The following EYS variants were observed in gnomAD, a reference collection of about 807,000 sequenced individuals.
EYS encodes protein eyes shut homolog.
A neutral mutation model predicts 282.1 loss-of-function variants in EYS; 250 were observed. The ratio of observed to expected loss-of-function variants is 0.89; its 90% CI spans 0.80 to 0.98. The LOEUF (loss-of-function observed/expected upper bound fraction) is 0.98, where lower values mean the gene tolerates loss of function less well. EYS is among the 50% of genes least tolerant of loss of function. The pLI is 0.00. For missense variants in EYS, 4,016 were observed against 3,709.0 expected, an observed-to-expected ratio of 1.08 and a Z score of -2.15; for synonymous variants, 1,355 against 1,282.9, an observed-to-expected ratio of 1.06 and a Z score of -1.20.
At chr6:65,695,850 A>G (rs1769432722) in intron 1 of EYS, among the ~76,000 whole-genome samples, 1 of 151,990 alleles carries the variant, frequency 6.6e-6, no homozygotes, top group African/African-American at 2.4e-5. Context: ...GCTATTCTAT[A>G]TCCTGTGAAT....
In EYS at chr6:63,787,706, C is replaced by G. The variant is rs190119412; in HGVS notation, c.7723+399G>C. On this transcript the variant is annotated intron_variant, in intron 39 of 42. Coordinates refer to ENST00000503581, the MANE Select transcript of EYS (RefSeq NM_001142800.2). ...CCTGTAATCCCAGCACTTTGGGAGG[C>G]CAAGGCAGGCGGATCACCTGAGGTC... Among the ~76,000 whole-genome samples the G allele has an allele frequency of 2.7e-3, 413 of 152,234 alleles. 4 individuals are homozygous for G. The highest frequency in any genetic ancestry group is 8.8e-3 in the African/African-American group (367 of 41,534).
intron 13 of EYS, among the ~76,000 whole-genome samples, chr6:65,014,085 A>T (rs1271175460): frequency 6.6e-6 from 1 of 152,172 alleles, no homozygotes. Flanking sequence ...AAGCAAATGA[A>T]AGCTGTGTTT....
At chr6:65,287,495 T>A (rs1768398762) in intron 12 of EYS, among the ~76,000 whole-genome samples, 1 of 151,512 alleles carries the variant, frequency 6.6e-6, no homozygotes, top group Admixed American at 6.6e-5. Context: ...GATCACTAAT[T>A]AAATTCCTGC....
chr6:65,061,789 C>T (rs75961633), intron 12 of EYS, among the ~76,000 whole-genome samples: 1 of 151,840 alleles, frequency 6.6e-6, no homozygotes, highest in Non-Finnish European at 1.5e-5. Context: ...ACACTGTGAT[C>T]GTTTTCTCCT....
intron 26 of EYS, among the ~76,000 whole-genome samples, chr6:64,490,223 T>C (rs1776697533): frequency 6.6e-6 from 1 of 150,772 alleles, no homozygotes; most frequent in Non-Finnish European, 1.5e-5. Context: ...AATAACAATA[T>C]AATACACTAA....
Position 65,235,845 on chromosome 6 carries a change from G to T in EYS, c.2023+60018C>A, listed in dbSNP as rs1766909419. ...TGTTAGTTTGGATTATATCAGCATT[G>T]CTTACATATGATTAATGACTCTTTA... On this transcript the variant is annotated intron_variant, in intron 12 of 42. Coordinates refer to ENST00000503581, the MANE Select transcript of EYS (RefSeq NM_001142800.2). 2.0e-5 allele frequency among the ~76,000 whole-genome samples: 3 copies of T among 151,404 alleles called. 1 individual carries two copies. Among genetic ancestry groups the T allele is most frequent in the South Asian group, 4.1e-4 (2 of 4,820 alleles).
chr6:65,614,713 T>C (rs1766123529), intron 2 of EYS, among the ~76,000 whole-genome samples: 1 of 151,164 alleles, frequency 6.6e-6, no homozygotes, highest in African/African-American at 2.5e-5. Flanking sequence ...AGCAAATAAA[T>C]GACAGTATTT....
At chr6:63,936,126 G>T (rs528983933) in intron 35 of EYS, among the ~76,000 whole-genome samples, 1 of 152,224 alleles carries the variant, frequency 6.6e-6, no homozygotes, top group South Asian at 2.1e-4. Flanking sequence ...GCCTGCTCAG[G>T]AATCTGCTTA....
intron 22 of EYS, among the ~76,000 whole-genome samples, chr6:64,810,887 T>G (rs1293318173): frequency 1.3e-5 from 2 of 152,030 alleles, no homozygotes; most frequent in Non-Finnish European, 2.9e-5. Context: ...AAAAATAGTA[T>G]AAAGATAATA....
chr6:64,912,235 A>G (rs1024740539), intron 16 of EYS, among the ~76,000 whole-genome samples: 1 of 152,054 alleles, frequency 6.6e-6, no homozygotes, highest in African/African-American at 2.4e-5. Context: ...GAAAGAAAAA[A>G]AAAGGGCCAA....
intron 12 of EYS, among the ~76,000 whole-genome samples, chr6:65,138,594 C>T (rs1581945195): frequency 6.6e-6 from 1 of 151,956 alleles, no homozygotes; most frequent in East Asian, 1.9e-4. Context: ...TCCTAGGATC[C>T]GAGAAATAAC....
intron 5 of EYS, among the ~76,000 whole-genome samples, chr6:65,448,732 T>C (rs1048442953): frequency 6.6e-6 from 1 of 152,084 alleles, no homozygotes; most frequent in Non-Finnish European, 1.5e-5. Context: ...AATAATTTTT[T>C]TCTATCTTTT....
At chr6:64,186,248 T>TACACACAC (rs34727951) in intron 31 of EYS, among the ~76,000 whole-genome samples, 598 of 147,072 alleles carry the variant, frequency 4.1e-3, no homozygotes, top group Admixed American at 7.2e-3. Flanking sequence ...ATGTGTGTTT[T>TACACACAC]ACACACACAC....
intron 30 of EYS, among the ~76,000 whole-genome samples, chr6:64,232,381 C>CTGTTAT (rs948885103): frequency 1.3e-5 from 2 of 151,620 alleles, no homozygotes; most frequent in African/African-American, 4.8e-5. Flanking sequence ...ACACTACTTT[C>CTGTTAT]TGTTATTGTT....
chr6:65,690,953 G>A (rs1046906631), intron 1 of EYS, among the ~76,000 whole-genome samples: 1 of 150,358 alleles, frequency 6.7e-6, no homozygotes, highest in Non-Finnish European at 1.5e-5. Flanking sequence ...TGGTGTATAT[G>A]TGCCACATTT....
chr6:64,945,256 T>C (rs1281812402), intron 15 of EYS, among the ~76,000 whole-genome samples: 1 of 151,572 alleles, frequency 6.6e-6, no homozygotes, highest in Non-Finnish European at 1.5e-5. Flanking sequence ...GTGGGCATAA[T>C]ACATAAACAC....
At chr6:64,842,783 G>A (rs1583214511) in intron 19 of EYS, among the ~76,000 whole-genome samples, 1 of 152,038 alleles carries the variant, frequency 6.6e-6, no homozygotes, top group African/African-American at 2.4e-5. Flanking sequence ...ATTCTAAGCA[G>A]CAAAGCGTTC....
intron 28 of EYS, among the ~76,000 whole-genome samples, chr6:64,410,490 C>G (rs528074113): frequency 6.6e-6 from 1 of 152,104 alleles, no homozygotes; most frequent in East Asian, 1.9e-4. Flanking sequence ...GAAAAGATGG[C>G]TAATAATCAC....
chr6:65,139,161 G>T (rs1764251772), intron 12 of EYS, among the ~76,000 whole-genome samples: 1 of 152,014 alleles, frequency 6.6e-6, no homozygotes, highest in Admixed American at 6.6e-5. Flanking sequence ...ATTCACAATA[G>T]TAAAGGCAAG....
Sources: allele counts gnomAD v4.1 joint callset (sites outside exome capture counted in the v4.1 genomes callset), GRCh38; gene constraint gnomAD v4.1.1; transcripts MANE v1.5; gene names NCBI Gene and HGNC (gene_info 2026-07-23, HGNC 2026-07-21).